The following ATCAY variants were observed in gnomAD, a reference collection of about 807,000 sequenced individuals.
ATCAY encodes the protein caytaxin.
A neutral mutation model predicts 47.7 loss-of-function variants in ATCAY; 22 were observed. The observed-to-expected ratio is 0.46, with a 90% confidence interval of 0.33 to 0.66. The LOEUF is 0.66. Ranked by LOEUF, ATCAY falls within the 30% of genes least tolerant of loss-of-function variation. The pLI, the probability that ATCAY is intolerant of heterozygous loss-of-function variation, is 0.02. For missense variants in ATCAY, 452 were observed against 515.0 expected (o/e 0.88, Z 1.18); for synonymous variants, 216 against 207.6 (o/e 1.04, Z -0.35).
rs548195258 is a variant in ATCAY at position 3,907,414 on chromosome 19, T to G, written c.359-320T>G. ...AAAAACCAAGCATGCATGCCCCGAG[T>G]ATCCTCGTGGTTTGATGAAGCAGAT... On this transcript the variant is annotated intron_variant, in intron 4 of 12. Coordinates refer to ENST00000450849, the MANE Select transcript of ATCAY (RefSeq NM_033064.5). The surrounding 1 kb of genome is among the most constrained non-coding windows in gnomAD (Gnocchi z 5.1). Among the ~76,000 whole-genome samples the G allele has an allele frequency of 6.6e-6, 1 of 152,128 alleles. No homozygotes were observed. The highest frequency in any genetic ancestry group is 1.5e-5 in the Non-Finnish European group (1 of 67,998).
Position 3,925,493 on chromosome 19 carries a change from A to G in ATCAY, c.*901A>G, listed in dbSNP as rs919031466. The G allele has an allele frequency of 6.6e-6, 1 of 152,360 alleles. No individual in the cohort carries two copies. The highest frequency in any genetic ancestry group is 2.4e-5 in the African/African-American group (1 of 41,598). 9.4% of individuals were successfully genotyped at this position (152,360 alleles called of 1,614,324 possible). ...TAGGCAGACCTAGCAAGAGGAAGAT[A>G]CAGGGTATCGGGCGTTTGAGTGTTT... On this transcript the variant is annotated 3_prime_UTR_variant, in exon 13 of 13. Coordinates refer to ENST00000450849, the MANE Select transcript of ATCAY (RefSeq NM_033064.5). This position sits in a 1 kb window ranked among gnomAD's most constrained non-coding sequence, Gnocchi z 4.4.
intron 7 of ATCAY, 27 bp from the exon 8 acceptor site, chr19:3,910,776 T>C (rs2038915797): frequency 2.5e-6 from 4 of 1,613,654 alleles, no homozygotes; most frequent in Non-Finnish European, 3.4e-6. Context: ...CAGGAGCCCA[T>C]CTTGCTTCCT....
At chr19:3,895,810 G>A (rs935015996) in intron 2 of ATCAY, among the ~76,000 whole-genome samples, 64 of 150,144 alleles carry the variant, frequency 4.3e-4, no homozygotes, top group Non-Finnish European at 7.2e-4. Flanking sequence ...CAAACTCCCG[G>A]ACTCAAACGA....
rs555029183 is a variant in ATCAY, at chr19:3,927,260, G to C, written c.*2668G>C. The stretch of plus-strand genomic sequence containing the variant: ...CAGAAGCCTGATTATCAGACTGCCC[G>C]GAGGAGACAGGCTCCAGCAGATAGA... On this transcript the variant is annotated 3_prime_UTR_variant, in exon 13 of 13. Coordinates refer to ENST00000450849, the MANE Select transcript of ATCAY (RefSeq NM_033064.5). 6.6e-6 allele frequency: 1 copy of C among 152,146 alleles called. No homozygotes were observed. Among genetic ancestry groups the C allele is most frequent in the Non-Finnish European group, 1.5e-5 (1 of 68,080 alleles). The allele number at this position is 152,146 out of a possible 1,614,324, so 9.4% of individuals were successfully genotyped here.
chr19:3,906,774 G>T (rs1309215616), intron 4 of ATCAY, among the ~76,000 whole-genome samples: 1 of 152,086 alleles, frequency 6.6e-6, no homozygotes, highest in Non-Finnish European at 1.5e-5. Context: ...CAGGCGTGGG[G>T]TATATGGCAG....
intron 7 of ATCAY, 53 bp downstream of exon 7, chr19:3,909,670 G>A: frequency 1.1e-5 from 17 of 1,545,510 alleles, no homozygotes; most frequent in Non-Finnish European, 1.4e-5. Context: ...ATCACACAGG[G>A]GGCTGGACAT....
At chr19:3,895,104 T>C (rs2038756952) in intron 2 of ATCAY, 1 of 456,148 alleles carries the variant, frequency 2.2e-6, no homozygotes, top group South Asian at 1.5e-5. Context: ...CTTATTGTCT[T>C]CCTTTATATA....
intron 11 of ATCAY, among the ~76,000 whole-genome samples, chr19:3,919,314 C>T (rs1275496059): frequency 6.6e-6 from 1 of 151,254 alleles, no homozygotes; most frequent in African/African-American, 2.4e-5. Context: ...AAATTATCGG[C>T]CGGGTGTGGT....
chr19:3,904,209 A>C (rs867423650), intron 3 of ATCAY, among the ~76,000 whole-genome samples: 2 of 152,280 alleles, frequency 1.3e-5, no homozygotes, highest in African/African-American at 4.8e-5. Flanking sequence ...CTGTAATCCC[A>C]GCTACTTGGG....
chr19:3,887,469 AT>A (rs891650078), intron 2 of ATCAY, among the ~76,000 whole-genome samples: 14 of 150,196 alleles, frequency 9.3e-5, no homozygotes, highest in South Asian at 2.1e-4. Flanking sequence ...ATTTTATTTT[AT>A]TTTTTTTATT....
At chr19:3,899,623 A>G (rs1395625894) in intron 2 of ATCAY, among the ~76,000 whole-genome samples, 2 of 152,000 alleles carry the variant, frequency 1.3e-5, no homozygotes, top group African/African-American at 4.8e-5. Context: ...CCAATAAATC[A>G]TTTTTTTAAA....
At chr19:3,919,240 T>C (rs919395434) in intron 11 of ATCAY, among the ~76,000 whole-genome samples, 3 of 151,468 alleles carry the variant, frequency 2.0e-5, no homozygotes, top group African/African-American at 7.3e-5. Flanking sequence ...ATAGTACCAC[T>C]GCACTCGGCG....
intron 2 of ATCAY, among the ~76,000 whole-genome samples, chr19:3,900,630 G>A (rs558121879): frequency 7.2e-5 from 11 of 151,924 alleles, no homozygotes; most frequent in African/African-American, 2.2e-4. Context: ...TCCGCCTCCC[G>A]GGTTCAAGCG....
chr19:3,896,264 T>TC (rs2038769135), intron 2 of ATCAY, among the ~76,000 whole-genome samples: 1 of 141,896 alleles, frequency 7.0e-6, no homozygotes. Flanking sequence ...TTGAATCACA[T>TC]CCCTTTTTTT....
chr19:3,885,653 G>C, intron 1 of ATCAY, 74 bp from the exon 2 acceptor site: 1 of 771,326 alleles, frequency 1.3e-6, no homozygotes, highest in Non-Finnish European at 2.1e-6. Flanking sequence ...GGAGGGGGAA[G>C]AGCTGCATGG....
chr19:3,886,515 A>G (rs375107795), intron 2 of ATCAY, among the ~76,000 whole-genome samples: 42 of 151,366 alleles, frequency 2.8e-4, no homozygotes, highest in African/African-American at 8.7e-4. Context: ...GCGTGAACCC[A>G]GGAGGCGGAG....
At chr19:3,919,723 C>T (rs1172079862) in intron 11 of ATCAY, among the ~76,000 whole-genome samples, 2 of 149,708 alleles carry the variant, frequency 1.3e-5, no homozygotes, top group Non-Finnish European at 2.9e-5. Context: ...GACTGCACTC[C>T]AGCCTGGGCA....
rs768380047 is a variant in ATCAY, at chr19:3,907,737, A to T, written c.362A>T (p.Asp121Val). 2 of 1,613,896 alleles carry T rather than the reference A, an allele frequency of 1.2e-6. No individual in the cohort carries two copies. Among genetic ancestry groups the T allele is most frequent in the South Asian group, 1.1e-5 (1 of 91,082 alleles). The change falls in exon 5 of 13, where the codon GAC becomes GTC. Residue 121 changes from aspartate to valine, a missense_variant. Physicochemically the swap from Asp to Val is radical, Grantham distance 152. Coordinates refer to ENST00000450849, the MANE Select transcript of ATCAY (RefSeq NM_033064.5). This position sits in a 1 kb window ranked among gnomAD's most constrained non-coding sequence, Gnocchi z 5.1. ...GNGNELEWEDDTPVATAKNMP... is the reference protein window; with the variant it reads ...GNGNELEWEDVTPVATAKNMP... Reference sequence around the variant, plus strand: ...ACTCTCCGCCACCTGCTTCTAGACGACACCCCCGTGGCCACCGCCAAGAAC... The same window carrying T: ...ACTCTCCGCCACCTGCTTCTAGACGTCACCCCCGTGGCCACCGCCAAGAAC...
rs71166937 is a variant in ATCAY at position 3,909,003 on chromosome 19, CAAA to C, written c.648-462_648-460del. ...TGGGTGACAGAGTGAGAACCTGTCT[CAAA>C]AAAAAAAAAAAAAAAAAAAAGCAAG... On this transcript the variant is annotated intron_variant, in intron 6 of 12. Coordinates refer to ENST00000450849, the MANE Select transcript of ATCAY (RefSeq NM_033064.5). Among the ~76,000 whole-genome samples the C allele has an allele frequency of 2.8e-3, 35 of 12,474 alleles. 1 individual carries two copies. Among genetic ancestry groups the C allele is most frequent in the African/African-American group, 0.018 (34 of 1,852 alleles). The allele number at this position is 12,474 out of a possible 152,430, so 8.2% of individuals were successfully genotyped here. A position where few individuals can be genotyped will look rare whatever the true frequency, so the allele number is the denominator to read the frequency against.
Sources: allele counts gnomAD v4.1 joint callset (sites outside exome capture counted in the v4.1 genomes callset), GRCh38; gene constraint gnomAD v4.1.1; non-coding constraint Gnocchi (gnomAD v3.1); transcripts MANE v1.5; gene names NCBI Gene and HGNC (gene_info 2026-07-23, HGNC 2026-07-21).